The following CLNK variants were observed in gnomAD, a reference collection of about 807,000 sequenced individuals.
CLNK encodes cytokine dependent hematopoietic cell linker.
Under a neutral mutation model 68.6 loss-of-function variants are expected in CLNK, and 74 were observed. That is an observed-to-expected ratio of 1.08 (90% CI 0.89 to 1.31). CLNK has a LOEUF of 1.31. Ranked by LOEUF, CLNK falls within the 50% of genes most tolerant of loss-of-function variation. The pLI is 0.00. For missense variants in CLNK, 553 were observed against 515.3 expected, an observed-to-expected ratio of 1.07 and a Z score of -0.71; for synonymous variants, 198 against 172.2, an observed-to-expected ratio of 1.15 and a Z score of -1.17.
At chr4:10,702,532 C>G in the CLNK span, among the ~76,000 whole-genome samples, 3 of 152,186 alleles carry the variant, frequency 2.0e-5, no homozygotes, top group Non-Finnish European at 2.9e-5. Context: ...TGACAGGCAG[C>G]AAATCTGGGT....
At chr4:10,697,845 T>C in the CLNK span, among the ~76,000 whole-genome samples, 4 of 152,326 alleles carry the variant, frequency 2.6e-5, no homozygotes, top group Admixed American at 6.5e-5. Flanking sequence ...TGCCTTTGCT[T>C]TTTTGAATTG....
chr4:10,664,571 C>G (rs941932933), intron 2 of CLNK, among the ~76,000 whole-genome samples: 1 of 152,228 alleles, frequency 6.6e-6, no homozygotes, highest in African/African-American at 2.4e-5. Context: ...GTGCTGGGAA[C>G]TCCTGTTCTA....
the CLNK span, among the ~76,000 whole-genome samples, chr4:10,710,747 C>A: frequency 6.6e-6 from 1 of 152,210 alleles, no homozygotes; most frequent in African/African-American, 2.4e-5. Context: ...GTAATTAATA[C>A]TACAGACATT....
chr4:10,579,250 G>A (rs547363852), intron 4 of CLNK, among the ~76,000 whole-genome samples: 2 of 152,242 alleles, frequency 1.3e-5, no homozygotes, highest in South Asian at 4.1e-4. Flanking sequence ...GTTTGGCATC[G>A]ATCTATATCT....
At chr4:10,729,444 T>C in the CLNK span, among the ~76,000 whole-genome samples, 1 of 152,172 alleles carries the variant, frequency 6.6e-6, no homozygotes, top group Non-Finnish European at 1.5e-5. Flanking sequence ...AATTGTTATT[T>C]GAAAAACAGG....
intron 2 of CLNK, among the ~76,000 whole-genome samples, chr4:10,605,445 T>C (rs949512560): frequency 6.6e-6 from 1 of 152,210 alleles, no homozygotes; most frequent in South Asian, 2.1e-4. Flanking sequence ...ATGAATACTG[T>C]AGGCAATTGT....
intron 17 of CLNK, among the ~76,000 whole-genome samples, chr4:10,507,195 T>C (rs1425389960): frequency 6.6e-6 from 1 of 151,948 alleles, no homozygotes; most frequent in Non-Finnish European, 1.5e-5. Flanking sequence ...CACAGCAACC[T>C]CTGCCTCCCG....
rs1175973744 is a variant in CLNK, at chr4:10,523,679, T to C, written c.731+2162A>G. ...GAAATGAGGCCAACTGGAGAGCTTG[T>C]TATTTTTTCACTATAATATAATGTG... On this transcript the variant is annotated intron_variant, in intron 14 of 18. Coordinates refer to ENST00000226951, the MANE Select transcript of CLNK (RefSeq NM_052964.4). Among the ~76,000 whole-genome samples the C allele has an allele frequency of 3.9e-5, 6 of 152,214 alleles. No individual in the cohort carries two copies. In the East Asian group the frequency reaches 1.2e-3, roughly 29 times the overall value.
intron 10 of CLNK, 30 bp downstream of exon 10, chr4:10,541,992 G>GA (rs11440483): frequency 0.071 from 106,080 of 1,500,176 alleles, 5,817 homozygotes; most frequent in African/African-American, 0.27. Flanking sequence ...ATTGTATAGC[G>GA]AAAAAAAATG....
the CLNK span, among the ~76,000 whole-genome samples, chr4:10,718,984 G>A: frequency 2.0e-5 from 3 of 151,938 alleles, no homozygotes; most frequent in Non-Finnish European, 4.4e-5. Context: ...AGTAAATGTT[G>A]AATGTATAAT....
At chr4:10,669,252 G>A (rs1435760736) in intron 1 of CLNK, among the ~76,000 whole-genome samples, 1 of 152,180 alleles carries the variant, frequency 6.6e-6, no homozygotes, top group Non-Finnish European at 1.5e-5. Flanking sequence ...ACTAAGTATA[G>A]TATAGTTCCT....
chr4:10,639,026 T>C (rs887169132), intron 2 of CLNK, among the ~76,000 whole-genome samples: 1 of 152,216 alleles, frequency 6.6e-6, no homozygotes, highest in African/African-American at 2.4e-5. Flanking sequence ...CTTCAGCATA[T>C]GCATGTTTAT....
At chr4:10,635,077 T>C (rs747765086) in intron 2 of CLNK, among the ~76,000 whole-genome samples, 1 of 152,246 alleles carries the variant, frequency 6.6e-6, no homozygotes, top group Admixed American at 6.5e-5. Context: ...TCTAGATTGA[T>C]GACATTTTTA....
the CLNK span, among the ~76,000 whole-genome samples, chr4:10,692,464 C>T: frequency 5.3e-5 from 8 of 152,256 alleles, no homozygotes; most frequent in East Asian, 1.9e-4. Context: ...TCTCCTTGAA[C>T]GCGAACGCTC....
At chr4:10,620,471 C>T (rs1425934804) in intron 2 of CLNK, among the ~76,000 whole-genome samples, 1 of 152,210 alleles carries the variant, frequency 6.6e-6, no homozygotes. Context: ...GTAGGACTCC[C>T]TCTAACCAAA....
chr4:10,683,531 T>C (rs1040781037), intron 1 of CLNK, among the ~76,000 whole-genome samples: 2 of 152,244 alleles, frequency 1.3e-5, no homozygotes, highest in African/African-American at 2.4e-5. Flanking sequence ...ATTCTGTTAC[T>C]GACATTAGTG....
intron 18 of CLNK, among the ~76,000 whole-genome samples, chr4:10,496,534 C>A (rs938674706): frequency 2.0e-5 from 3 of 152,184 alleles, no homozygotes; most frequent in African/African-American, 7.2e-5. Context: ...TTACCCACTG[C>A]CTGGAACACA....
chr4:10,586,489 A>G (rs574694610), intron 3 of CLNK, among the ~76,000 whole-genome samples: 25 of 151,126 alleles, frequency 1.7e-4, no homozygotes, highest in South Asian at 4.2e-4. Context: ...TAATTTTTGT[A>G]TTTTTAGTAG....
intron 4 of CLNK, among the ~76,000 whole-genome samples, chr4:10,580,281 G>A (rs183883135): frequency 3.9e-5 from 6 of 152,314 alleles, no homozygotes; most frequent in Non-Finnish European, 7.3e-5. Context: ...TCATATGAAA[G>A]TCTAGCACAT....
Sources: gnomAD v4.1 joint callset for allele counts (sites outside exome capture counted in the v4.1 genomes callset) on GRCh38, gnomAD v4.1.1 for gene constraint, MANE v1.5 for transcripts, NCBI Gene and HGNC (gene_info 2026-07-23, HGNC 2026-07-21) for gene names.